TDRD3: variants seen among roughly 807,000 people sequenced by gnomAD.
TDRD3 encodes tudor domain containing 3.
TDRD3 carries 45 observed loss-of-function variants against 86.7 expected under a neutral mutation model. That is an observed-to-expected ratio of 0.52 (90% CI 0.41 to 0.67). TDRD3 has a LOEUF of 0.67. Among genes scored for constraint, TDRD3 ranks in the 30% least tolerant of loss-of-function variants. The probability of loss-of-function intolerance (pLI) is 0.00; values close to 1 mark genes in which losing one functional copy is unlikely to be tolerated. For synonymous variants in TDRD3, 298 were observed against 301.7 expected (o/e 0.99, Z 0.13); for missense variants, 814 against 889.0 (o/e 0.92, Z 1.07).
At chr13:60,403,306 A>G (rs1954150876) in intron 1 of TDRD3, among the ~76,000 whole-genome samples, 1 of 152,236 alleles carries the variant, frequency 6.6e-6, no homozygotes. Context: ...ATTGCATAGT[A>G]ACATTTTAAG....
intron 12 of TDRD3, among the ~76,000 whole-genome samples, chr13:60,557,451 T>A (rs1403226244): frequency 2.0e-5 from 3 of 152,162 alleles, no homozygotes; most frequent in East Asian, 3.9e-4. Flanking sequence ...GTACTCAGCC[T>A]GATAATTGAT....
intron 12 of TDRD3, among the ~76,000 whole-genome samples, chr13:60,554,531 G>C (rs1400141989): frequency 2.6e-5 from 4 of 152,048 alleles, no homozygotes; most frequent in African/African-American, 9.7e-5. Context: ...CTGGGGGCAG[G>C]GGCACAACAA....
intron 1 of TDRD3, among the ~76,000 whole-genome samples, chr13:60,403,731 G>C (rs534067091): frequency 1.9e-4 from 29 of 152,270 alleles, no homozygotes; most frequent in African/African-American, 6.7e-4. Context: ...CATAGCACTG[G>C]AACTCCAATA....
At chr13:60,513,678 G>A (rs995715080) in intron 10 of TDRD3, among the ~76,000 whole-genome samples, 4 of 152,142 alleles carry the variant, frequency 2.6e-5, no homozygotes, top group African/African-American at 7.2e-5. Context: ...GATAGTGTAA[G>A]TCTCATGAGA....
chr13:60,531,998 A>G (rs1957593255), intron 11 of TDRD3, among the ~76,000 whole-genome samples: 1 of 152,224 alleles, frequency 6.6e-6, no homozygotes, highest in South Asian at 2.1e-4. Flanking sequence ...GGGGCATATC[A>G]GATAGTTATG....
chr13:60,510,842 A>C, intron 10 of TDRD3, 87 bp downstream of exon 10: 1 of 1,267,682 alleles, frequency 7.9e-7, no homozygotes, highest in South Asian at 1.8e-5. Context: ...TAAAAGACCA[A>C]ACTTTATTTA....
At chr13:60,469,717 A>T (rs1956034943) in intron 5 of TDRD3, among the ~76,000 whole-genome samples, 1 of 152,196 alleles carries the variant, frequency 6.6e-6, no homozygotes, top group Non-Finnish European at 1.5e-5. Flanking sequence ...TATAAACCAT[A>T]AAGCTAATGT....
intron 12 of TDRD3, among the ~76,000 whole-genome samples, chr13:60,559,420 G>C (rs1298605435): frequency 2.6e-5 from 4 of 152,082 alleles, no homozygotes; most frequent in Non-Finnish European, 5.9e-5. Flanking sequence ...CTGATTTCTG[G>C]GCAAGCTTTT....
intron 1 of TDRD3, among the ~76,000 whole-genome samples, chr13:60,398,323 A>G (rs1953998619): frequency 6.6e-6 from 1 of 152,172 alleles, no homozygotes; most frequent in South Asian, 2.1e-4. Context: ...CAGGGGGAAT[A>G]GTGATAAACC....
chr13:60,408,036 G>A (rs1404176634), intron 1 of TDRD3, among the ~76,000 whole-genome samples: 1 of 151,874 alleles, frequency 6.6e-6, no homozygotes, highest in Non-Finnish European at 1.5e-5. Flanking sequence ...CGCCATGTAA[G>A]AAGTGCCTTT....
rs1310279970 is a variant in TDRD3 at position 60,561,343 on chromosome 13, ACTAGCT to A, written c.2119-6180_2119-6175del. On this transcript the variant is annotated intron_variant, in intron 12 of 13. Transcript: ENST00000377881. ...CCTGCATTCCAGTTCTGGCTCTTCCACTAGCTCATTTTATTAATCAAATCACTCCAC... is the reference window on the plus strand; with the variant it reads ...CCTGCATTCCAGTTCTGGCTCTTCCACATTTTATTAATCAAATCACTCCAC... 2.0e-5 allele frequency among the ~76,000 whole-genome samples: 3 copies of A among 152,300 alleles called. No homozygotes were observed. The East Asian group carries it at 5.8e-4, about 29-fold the overall frequency.
At chr13:60,405,889 G>A (rs1276383553) in intron 1 of TDRD3, among the ~76,000 whole-genome samples, 1 of 152,172 alleles carries the variant, frequency 6.6e-6, no homozygotes, top group African/African-American at 2.4e-5. Flanking sequence ...ATAGAGAGCA[G>A]CAGATCGACT....
In TDRD3 at chr13:60,536,225, T is replaced by A. The variant is rs1259498779; in HGVS notation, c.2118+992T>A. ...ACAAAAAACCTAATAGTAGTAATAA[T>A]GTTTTGGGCCATGGATCTTTATTTT... On this transcript the variant is annotated intron_variant, in intron 12 of 13. Coordinates refer to ENST00000377881, the MANE Select transcript of TDRD3 (RefSeq NM_001146070.2). 2.0e-5 allele frequency: 3 copies of A among 152,040 alleles called. 1 individual carries two copies. The highest frequency in any genetic ancestry group is 4.1e-4 in the South Asian group (2 of 4,828). The allele number at this position is 152,040 out of a possible 1,614,324, so 9.4% of individuals were successfully genotyped here.
intron 4 of TDRD3, among the ~76,000 whole-genome samples, chr13:60,466,689 G>A: frequency 6.6e-6 from 1 of 152,062 alleles, no homozygotes; most frequent in East Asian, 1.9e-4. Flanking sequence ...TCGAAAGGCT[G>A]AGACAGGAGA....
chr13:60,406,664 T>C (rs1460799230), intron 1 of TDRD3, among the ~76,000 whole-genome samples: 1 of 152,188 alleles, frequency 6.6e-6, no homozygotes, highest in Non-Finnish European at 1.5e-5. Context: ...TATAAAGTCA[T>C]TGAGTTTTCT....
At chr13:60,467,407 T>G (rs569045246) in intron 5 of TDRD3, 28 bp downstream of exon 5, 2 of 1,607,250 alleles carry the variant, frequency 1.2e-6, no homozygotes, top group East Asian at 2.2e-5. Flanking sequence ...CTTGAACTTT[T>G]GAAACATTAC....
In TDRD3 at chr13:60,483,811, G is replaced by C; in HGVS notation, c.532G>C (p.Glu178Gln). ...SKHNRSNIGT[E>Q]GGPPPFVPFG... ...ACACAATAGAAGCAATATTGGAACT[G>C]AAGGTGGACCACCGCCTTTTGTGCC... The change falls in exon 6 of 14, where the codon GAA becomes CAA. Residue 178 changes from glutamate (E) to glutamine (Q), a missense_variant. Glu to Gln is a conservative substitution (Grantham distance 29, BLOSUM62 2). Coordinates refer to ENST00000377881, the MANE Select transcript of TDRD3 (RefSeq NM_001146070.2). The C allele has an allele frequency of 6.2e-7, 1 of 1,613,512 alleles. No individual in the cohort carries two copies. Among genetic ancestry groups the C allele is most frequent in the Non-Finnish European group, 8.5e-7 (1 of 1,179,664 alleles).
At chr13:60,406,401 T>G (rs1300970954) in intron 1 of TDRD3, among the ~76,000 whole-genome samples, 1 of 152,246 alleles carries the variant, frequency 6.6e-6, no homozygotes, top group Non-Finnish European at 1.5e-5. Context: ...GTAATTTTTA[T>G]ATTGATCATA....
intron 11 of TDRD3, among the ~76,000 whole-genome samples, chr13:60,531,578 G>A (rs1957583232): frequency 6.6e-6 from 1 of 152,184 alleles, no homozygotes. Context: ...ATGTTTGAAA[G>A]CCTTGGTAAG....
Sources: allele counts gnomAD v4.1 joint callset (sites outside exome capture counted in the v4.1 genomes callset), GRCh38; gene constraint gnomAD v4.1.1; transcripts MANE v1.5; gene names NCBI Gene and HGNC (gene_info 2026-07-23, HGNC 2026-07-21).